ANKS1B: variants seen among roughly 807,000 people sequenced by gnomAD.
ANKS1B encodes the protein ankyrin repeat and sterile alpha motif domain containing 1B, also known as ankyrin repeat and sterile alpha motif domain-containing protein 1B.
In ANKS1B, 36 loss-of-function variants were observed where a neutral mutation model predicts 148.3. That is an observed-to-expected ratio of 0.24 (90% CI 0.19 to 0.32). The LOEUF (loss-of-function observed/expected upper bound fraction) is 0.32. ANKS1B is among the 10% of genes least tolerant of loss of function. The probability of loss-of-function intolerance (pLI) is 1.00; values close to 1 mark genes in which losing one functional copy is unlikely to be tolerated. For missense variants in ANKS1B, 1,157 were observed against 1,542.6 expected (o/e 0.75, Z 4.19); for synonymous variants, 542 against 560.8 (o/e 0.97, Z 0.47).
intron 15 of ANKS1B, among the ~76,000 whole-genome samples, chr12:99,120,573 T>C (rs1363285132): frequency 6.6e-6 from 1 of 152,252 alleles, no homozygotes; most frequent in African/African-American, 2.4e-5. Flanking sequence ...GATAAATTCT[T>C]GACCTCACTT....
intron 11 of ANKS1B, among the ~76,000 whole-genome samples, chr12:99,424,465 T>C (rs2095190047): frequency 6.6e-6 from 1 of 152,074 alleles, no homozygotes; most frequent in Admixed American, 6.5e-5. Flanking sequence ...TGGCTTTAAG[T>C]TGACCAAGCA....
Position 99,161,299 on chromosome 12 carries a change from G to A in ANKS1B, c.2420-6904C>T, listed in dbSNP as rs576712156. Among the ~76,000 whole-genome samples the A allele has an allele frequency of 3.3e-5, 5 of 152,294 alleles. No homozygotes were observed. In the East Asian group the frequency reaches 9.7e-4, roughly 29 times the overall value. ...TTCCTGTAATCCCAGCAATTTGGGA[G>A]GCTGAGGTGAGAGGATCACTTGAGT... On this transcript the variant is annotated intron_variant, in intron 14 of 26. Coordinates refer to ENST00000683438, the MANE Select transcript of ANKS1B (RefSeq NM_001352186.2).
chr12:99,465,299 A>T (rs1468889191), intron 10 of ANKS1B, among the ~76,000 whole-genome samples: 1 of 152,226 alleles, frequency 6.6e-6, no homozygotes, highest in Admixed American at 6.5e-5. Flanking sequence ...GAAGCACTAA[A>T]CATGGAAAGG....
chr12:98,849,410 T>C (rs979297408), intron 17 of ANKS1B, among the ~76,000 whole-genome samples: 48 of 152,312 alleles, frequency 3.2e-4, no homozygotes, highest in Admixed American at 1.2e-3. Flanking sequence ...TAGAGAAATG[T>C]TGCATATAAG....
chr12:99,518,700 G>A (rs927347169), intron 9 of ANKS1B, among the ~76,000 whole-genome samples: 24 of 151,812 alleles, frequency 1.6e-4, no homozygotes, highest in African/African-American at 5.1e-4. Flanking sequence ...CTGATATCTT[G>A]TATGGATTTC....
chr12:99,724,253 C>A (rs1400132595), intron 8 of ANKS1B, among the ~76,000 whole-genome samples: 1 of 152,068 alleles, frequency 6.6e-6, no homozygotes, highest in South Asian at 2.1e-4. Context: ...AGCTAAGAAC[C>A]TTGAAAAAAG....
Position 99,327,260 on chromosome 12 carries a change from T to A in ANKS1B, c.1756+72371A>T, listed in dbSNP as rs546022109. Among the ~76,000 whole-genome samples, 589 of 118,084 alleles carry A rather than the reference T, an allele frequency of 5.0e-3. 8 individuals are homozygous for A. The highest frequency in any genetic ancestry group is 0.032 in the South Asian group (140 of 4,380). The allele number at this position is 118,084 out of a possible 152,430, so 77.5% of individuals were successfully genotyped here. ...ATAATTATAATTTATTATAATTATA[T>A]AAATAATTATAATTTATTATAATTA... is the stretch of plus-strand genomic sequence containing the variant. On this transcript the variant is annotated intron_variant, in intron 12 of 26. Transcript: ENST00000683438.
Position 99,982,333 on chromosome 12 carries a change from TAAA to T in ANKS1B, c.134+1768_134+1770del, listed in dbSNP as rs35728993. 7.6e-5 allele frequency among the ~76,000 whole-genome samples: 11 copies of T among 144,540 alleles called. 1 individual carries two copies. Among genetic ancestry groups the T allele is most frequent in the African/African-American group, 2.5e-4 (10 of 39,670 alleles). The allele number at this position is 144,540 out of a possible 152,430, so 94.8% of individuals were successfully genotyped here. On this transcript the variant is annotated intron_variant, in intron 1 of 26. Transcript: ENST00000683438. ...TCCCTAAAACTTGACATCTATTCTT[TAAA>T]AAAAAAAAAAAAAATCACAGCTGGG...
intron 14 of ANKS1B, among the ~76,000 whole-genome samples, chr12:99,188,099 G>A (rs57199165): frequency 1.1e-3 from 165 of 151,998 alleles, no homozygotes; most frequent in African/African-American, 3.8e-3. Context: ...AGACAAAGAC[G>A]GGCATTACAT....
At chr12:99,984,053 T>A in intron 1 of ANKS1B, 51 bp downstream of exon 1, 3 of 1,510,198 alleles carry the variant, frequency 2.0e-6, no homozygotes, top group Non-Finnish European at 2.7e-6. Flanking sequence ...CGTATATCCA[T>A]CACAATGCAT....
intron 14 of ANKS1B, among the ~76,000 whole-genome samples, chr12:99,203,385 G>C (rs1601649180): frequency 6.6e-6 from 1 of 151,932 alleles, no homozygotes; most frequent in Non-Finnish European, 1.5e-5. Context: ...AAAACTTCAA[G>C]CTCAGGCTTT....
intron 8 of ANKS1B, among the ~76,000 whole-genome samples, chr12:99,768,976 G>T (rs1196719908): frequency 4.0e-5 from 6 of 151,170 alleles, no homozygotes; most frequent in Non-Finnish European, 8.8e-5. Context: ...CCTTCATCTT[G>T]GGCTTCTCGG....
At chr12:99,948,502 G>A (rs1333031947) in intron 1 of ANKS1B, among the ~76,000 whole-genome samples, 1 of 152,096 alleles carries the variant, frequency 6.6e-6, no homozygotes, top group Non-Finnish European at 1.5e-5. Flanking sequence ...CTTTGAAAAA[G>A]TTCCTCCAGA....
chr12:99,854,477 TAGAAAAATTG>T (rs1051745474), intron 1 of ANKS1B, among the ~76,000 whole-genome samples: 1 of 152,164 alleles, frequency 6.6e-6, no homozygotes, highest in Non-Finnish European at 1.5e-5. Flanking sequence ...ACATATTAGA[TAGAAAAATTG>T]AGAAAAATTT....
At chr12:99,651,241 A>C (rs1347193604) in intron 9 of ANKS1B, among the ~76,000 whole-genome samples, 2 of 152,226 alleles carry the variant, frequency 1.3e-5, no homozygotes, top group Non-Finnish European at 2.9e-5. Context: ...TGGTTTCAAA[A>C]TATGAAAAAC....
intron 10 of ANKS1B, among the ~76,000 whole-genome samples, chr12:99,465,449 C>A (rs1204836012): frequency 6.6e-6 from 1 of 152,144 alleles, no homozygotes; most frequent in Non-Finnish European, 1.5e-5. Context: ...ACAGTATTAA[C>A]TTTAAATGTA....
chr12:99,622,491 T>C (rs7977668), intron 9 of ANKS1B, among the ~76,000 whole-genome samples: 85,233 of 151,612 alleles, frequency 0.56, 24,696 homozygotes, highest in Admixed American at 0.65. Context: ...AAAATCAATA[T>C]ACTGCTAAAC....
intron 16 of ANKS1B, among the ~76,000 whole-genome samples, chr12:99,060,653 T>TCACACA (rs35515489): frequency 0.018 from 2,209 of 126,072 alleles, 31 homozygotes; most frequent in East Asian, 0.035. Context: ...TATATACACA[T>TCACACA]CACACACACA....
intron 24 of ANKS1B, 84 bp from the exon 25 acceptor site, chr12:98,773,263 T>G (rs534229347): frequency 6.8e-7 from 1 of 1,471,200 alleles, no homozygotes; most frequent in Non-Finnish European, 9.1e-7. Context: ...CAGGAAGCAG[T>G]TGCTTTCCTT....
Sources: gnomAD v4.1 joint callset for allele counts (sites outside exome capture counted in the v4.1 genomes callset) on GRCh38, gnomAD v4.1.1 for gene constraint, MANE v1.5 for transcripts, NCBI Gene and HGNC (gene_info 2026-07-23, HGNC 2026-07-21) for gene names.